Variants in TERT observed in about 807,000 individuals in gnomAD.
TERT encodes the protein telomerase catalytic subunit.
In TERT, 42 loss-of-function variants were observed where a neutral mutation model predicts 104.0. The ratio of observed to expected loss-of-function variants is 0.40; its 90% CI spans 0.32 to 0.52. The LOEUF is 0.52. Ranked by LOEUF, TERT falls within the 20% of genes least tolerant of loss-of-function variation. TERT has a pLI of 0.43. For missense variants in TERT, 1,101 were observed against 1,610.3 expected, an observed-to-expected ratio of 0.68 and a Z score of 5.41; for synonymous variants, 781 against 725.6, an observed-to-expected ratio of 1.08 and a Z score of -1.23.
chr5:1,272,420 T>C (rs1749116166), intron 6 of TERT, 140 bp from the exon 7 acceptor site: 3 of 841,258 alleles, frequency 3.6e-6, no homozygotes, highest in Non-Finnish European at 6.0e-6. Flanking sequence ...CCTGGGAAGC[T>C]TCTGTTTGGG....
In TERT at chr5:1,288,715, G is replaced by A. The variant is rs1388586171; in HGVS notation, c.1573+4598C>T. Among the ~76,000 whole-genome samples, 2 of 152,268 alleles carry A rather than the reference G, an allele frequency of 1.3e-5. No individual in the cohort carries two copies. Among genetic ancestry groups the A allele is most frequent in the Non-Finnish European group, 2.9e-5 (2 of 68,024 alleles). ...CTTTCTGGGATGTCTCCAGCAACAC[G>A]TGGCAGCAGACACAGGCAGCCCAGA... On this transcript the variant is annotated intron_variant, in intron 2 of 15. Transcript: ENST00000310581. The surrounding 1 kb of genome is among the most constrained non-coding windows in gnomAD (Gnocchi z 5.3).
At chr5:1,279,546 G>GGC in intron 4 of TERT, 76 bp from the exon 5 acceptor site, 1 of 1,458,900 alleles carries the variant, frequency 6.9e-7, no homozygotes, top group Non-Finnish European at 9.4e-7. Flanking sequence ...GGACCCAGGG[G>GGC]AGAAGCAGCC....
At position 1,274,326 on chromosome 5, in the gene TERT, C is replaced by A. The variant is rs558945938; in HGVS notation, c.2287-2046G>T. ...CACAAATAGCCCATGGGTCTGAGGT[C>A]GGCGGAAAGCATCACAGAAATCCGT... On this transcript the variant is annotated intron_variant, in intron 6 of 15. Transcript: ENST00000310581. The surrounding 1 kb of genome is among the most constrained non-coding windows in gnomAD (Gnocchi z 5.3). Among the ~76,000 whole-genome samples the A allele has an allele frequency of 6.6e-6, 1 of 152,340 alleles. No individual in the cohort carries two copies. The highest frequency in any genetic ancestry group is 2.4e-5 in the African/African-American group (1 of 41,572).
rs904830272 is a variant in TERT, at chr5:1,256,776, C to T, written c.3033-1365G>A. On this transcript the variant is annotated intron_variant, in intron 13 of 15. Coordinates refer to ENST00000310581, the MANE Select transcript of TERT (RefSeq NM_198253.3). The surrounding 1 kb of genome is among the most constrained non-coding windows in gnomAD (Gnocchi z 7.0). ...GTCCCGGGGTTGCCACACGGCCACG[C>T]TCCTGACCCAGGAGGGAAACACCTA... 3.9e-5 allele frequency among the ~76,000 whole-genome samples: 6 copies of T among 152,230 alleles called. No homozygotes were observed. Among genetic ancestry groups the T allele is most frequent in the Non-Finnish European group, 8.8e-5 (6 of 68,046 alleles).
intron 2 of TERT, among the ~76,000 whole-genome samples, chr5:1,289,712 A>G (rs1579590521): frequency 2.1e-5 from 2 of 93,902 alleles, no homozygotes; most frequent in Admixed American, 1.1e-4. Flanking sequence ...ACACCCGGGG[A>G]CGGCGCCTCA....
In TERT at chr5:1,268,588, G is replaced by A. The variant is rs2126607485; in HGVS notation, c.2514C>T (p.Ser838=). Residue 838 remains serine, a synonymous_variant, in exon 9 of 16, where the codon TCC becomes TCT. Transcript: ENST00000310581. The surrounding 1 kb of genome is among the most constrained non-coding windows in gnomAD (Gnocchi z 5.5). The stretch of plus-strand genomic sequence containing the variant: ...CGTAGCACAGGCTGCAGAGCAGCGT[G>A]GAGAGGATGGAGCCCTGCGGGATCC... ...CQGIPQGSIL[S]TLLCSLCYGD... 2 of 1,613,368 alleles carry A rather than the reference G, an allele frequency of 1.2e-6. No individual in the cohort carries two copies. The highest frequency in any genetic ancestry group is 1.3e-5 in the African/African-American group (1 of 75,076).
At chr5:1,272,456 G>A (rs1489252347) in intron 6 of TERT, among the ~76,000 whole-genome samples, 176 bp from the exon 7 acceptor site, 4 of 151,586 alleles carry the variant, frequency 2.6e-5, no homozygotes, top group Non-Finnish European at 5.9e-5. Flanking sequence ...GGCCGAGGAC[G>A]CAAAGTAGCT....
At chr5:1,258,836 T>A (rs1029441101) in intron 12 of TERT, among the ~76,000 whole-genome samples, 177 bp from the exon 13 acceptor site, 3 of 152,206 alleles carry the variant, frequency 2.0e-5, no homozygotes, top group Admixed American at 6.5e-5. Context: ...CGAACCACCC[T>A]GGGCGAGTCA....
intron 6 of TERT, 105 bp from the exon 7 acceptor site, chr5:1,272,385 A>C: frequency 1.9e-6 from 2 of 1,040,716 alleles, no homozygotes; most frequent in Non-Finnish European, 2.9e-6. Context: ...GCCAAGCCCG[A>C]TGGCGGGATG....
At chr5:1,278,579 C>G in intron 6 of TERT, 62 bp downstream of exon 6, 1 of 1,610,328 alleles carries the variant, frequency 6.2e-7, no homozygotes, top group Non-Finnish European at 8.5e-7. Flanking sequence ...CGACTGCATT[C>G]TAGACACATT....
rs1005804916 is a variant in TERT, at chr5:1,269,457, A to G, written c.2469-824T>C. 2.3e-4 allele frequency among the ~76,000 whole-genome samples: 35 copies of G among 152,164 alleles called. No homozygotes were observed. Among genetic ancestry groups the G allele is most frequent in the African/African-American group, 8.2e-4 (34 of 41,502 alleles). On this transcript the variant is annotated intron_variant, in intron 8 of 15. Coordinates refer to ENST00000310581, the MANE Select transcript of TERT (RefSeq NM_198253.3). The surrounding 1 kb of genome is among the most constrained non-coding windows in gnomAD (Gnocchi z 9.0). ...AAAACCCCTCTCTACTAAAAATACA[A>G]AAATTAGCCAGGCGCAGGGGGTGGG...
Position 1,263,457 on chromosome 5 carries a change from G to A in TERT, c.2843+947C>T, listed in dbSNP as rs938765055. Among the ~76,000 whole-genome samples, 1 of 151,738 alleles carries A rather than the reference G, an allele frequency of 6.6e-6. No individual in the cohort carries two copies. Among genetic ancestry groups the A allele is most frequent in the African/African-American group, 2.4e-5 (1 of 41,204 alleles). ...CTCACTCTGTTGCCCAGGCTGGAGT[G>A]CAGTGGTGTGATCTCGGCTCACTGC... On this transcript the variant is annotated intron_variant, in intron 11 of 15. Transcript: ENST00000310581. The surrounding 1 kb of genome is among the most constrained non-coding windows in gnomAD (Gnocchi z 5.3).
rs1324625224 is a variant in TERT, at chr5:1,269,548, T to G, written c.2469-915A>C. ...AATGCTGGAACCCGGGAGGCGGAGG[T>G]TGCAGTGAGTTGAGATCGCGCCACT... On this transcript the variant is annotated intron_variant, in intron 8 of 15. Transcript: ENST00000310581. This position sits in a 1 kb window ranked among gnomAD's most constrained non-coding sequence, Gnocchi z 9.0. Among the ~76,000 whole-genome samples, 7 of 149,318 alleles carry G rather than the reference T, an allele frequency of 4.7e-5. No individual in the cohort carries two copies. The highest frequency in any genetic ancestry group is 1.0e-4 in the Non-Finnish European group (7 of 67,402).
chr5:1,264,376 G>A, intron 11 of TERT, 28 bp downstream of exon 11: 1 of 1,598,636 alleles, frequency 6.3e-7, no homozygotes, highest in Non-Finnish European at 8.5e-7. Flanking sequence ...GCCGGGCACA[G>A]GCTCCACTTC....
chr5:1,271,239 C>T (rs202219309), intron 7 of TERT, 35 bp from the exon 8 acceptor site: 8 of 1,523,718 alleles, frequency 5.3e-6, no homozygotes, highest in Non-Finnish European at 7.3e-6. Context: ...TGGGAGTGAG[C>T]CGGTGGGTGC....
intron 14 of TERT, among the ~76,000 whole-genome samples, chr5:1,254,844 C>A (rs960032340): frequency 6.6e-6 from 1 of 151,828 alleles, no homozygotes; most frequent in Non-Finnish European, 1.5e-5. Context: ...GGGGCTCTGT[C>A]GTGGTGATAC....
At position 1,294,846 on chromosome 5, in the gene TERT, G is replaced by A. The variant is rs746281705; in HGVS notation, c.144C>T (p.Arg48=). 3 of 1,459,250 alleles carry A rather than the reference G, an allele frequency of 2.1e-6. No individual in the cohort carries two copies. The highest frequency in any genetic ancestry group is 2.7e-5 in the South Asian group (2 of 73,986). The allele number at this position is 1,459,250 out of a possible 1,614,324, so 90.4% of individuals were successfully genotyped here. A position where few individuals can be genotyped will look rare whatever the true frequency, so the allele number is the denominator to read the frequency against. The change falls in exon 1 of 16, where the codon CGC becomes CGT. Residue 48 remains arginine (R), a synonymous_variant. Coordinates refer to ENST00000310581, the MANE Select transcript of TERT (RefSeq NM_198253.3). ...LVQRGDPAAF[R]ALVAQCLVCV... ...ACACCAGGCACTGGGCCACCAGCGC[G>A]CGGAAAGCCGCCGGGTCCCCGCGCT... is the stretch of plus-strand genomic sequence containing the variant.
chr5:1,254,593 T>G lies in TERT; in HGVS notation c.3158-88A>C, dbSNP rs1433335667. The G allele has an allele frequency of 4.0e-6, 6 of 1,489,166 alleles. No individual in the cohort carries two copies. The African/African-American group carries it at 6.9e-5, about 17-fold the overall frequency. The allele number at this position is 1,489,166 out of a possible 1,614,324, so 92.2% of individuals were successfully genotyped here. A position where few individuals can be genotyped will look rare whatever the true frequency, so the allele number is the denominator to read the frequency against. On this transcript the variant is annotated intron_variant, in intron 14 of 15. Coordinates refer to ENST00000310581, the MANE Select transcript of TERT (RefSeq NM_198253.3). ...GGAAAGCTGCCCACACCCGACGGTC[T>G]GCGGGGTGGCTCCATCTCTGGCTGT...
chr5:1,281,347 T>C (rs2126647059), intron 3 of TERT, among the ~76,000 whole-genome samples: 1 of 152,194 alleles, frequency 6.6e-6, no homozygotes, highest in African/African-American at 2.4e-5. Context: ...CGAGGTCTGC[T>C]GCCAGCTCCC....
Sources: gnomAD v4.1 joint callset for allele counts (sites outside exome capture counted in the v4.1 genomes callset) on GRCh38, gnomAD v4.1.1 for gene constraint, Gnocchi (gnomAD v3.1) non-coding constraint, MANE v1.5 for transcripts, NCBI Gene and HGNC (gene_info 2026-07-23, HGNC 2026-07-21) for gene names.